Variants in ITPRID1 observed in about 807,000 individuals in gnomAD.
ITPRID1 encodes protein ITPRID1.
Under a neutral mutation model 95.4 loss-of-function variants are expected in ITPRID1, and 96 were observed. That is an observed-to-expected ratio of 1.01 (90% CI 0.85 to 1.19). The LOEUF (loss-of-function observed/expected upper bound fraction) is 1.19, where lower values mean the gene tolerates loss of function less well. Among genes scored for constraint, ITPRID1 ranks in the 50% most tolerant of loss-of-function variants. The pLI is 0.00. For missense variants in ITPRID1, 1,339 were observed against 1,252.9 expected, an observed-to-expected ratio of 1.07 and a Z score of -1.04; for synonymous variants, 510 against 453.6, an observed-to-expected ratio of 1.12 and a Z score of -1.58.
intron 5 of ITPRID1, among the ~76,000 whole-genome samples, chr7:31,565,400 T>C (rs1216959573): frequency 6.6e-6 from 1 of 152,196 alleles, no homozygotes; most frequent in Admixed American, 6.5e-5. Context: ...GAATGTACTG[T>C]CTTTAGACAG....
rs756053050 is a variant in ITPRID1, at chr7:31,642,846, C to T, written c.1476C>T (p.Ala492=). 2.7e-5 allele frequency: 44 copies of T among 1,613,890 alleles called. No homozygotes were observed. In the South Asian group the frequency reaches 4.6e-4, roughly 17 times the overall value. Reference sequence around the variant, plus strand: ...CTTTTTCAAGCCAAGAAGCGAATGCCTTGGAACAAAGGGCCTCAGTATCTG... The same window carrying T: ...CTTTTTCAAGCCAAGAAGCGAATGCTTTGGAACAAAGGGCCTCAGTATCTG... ...SMSFSSQEAN[A]LEQRASVSVM... The change falls in exon 12 of 15, where the codon GCC becomes GCT. Residue 492 remains alanine (A), a synonymous_variant. Coordinates refer to ENST00000615280, the MANE Select transcript of ITPRID1 (RefSeq NM_001257967.3).
intron 10 of ITPRID1, among the ~76,000 whole-genome samples, chr7:31,590,571 T>C (rs1785821853): frequency 1.3e-5 from 2 of 152,250 alleles, no homozygotes; most frequent in Non-Finnish European, 2.9e-5. Context: ...TTCCACAACA[T>C]TGAACCTTTC....
chr7:31,582,143 C>T (rs1287899095), intron 9 of ITPRID1, among the ~76,000 whole-genome samples: 1 of 152,138 alleles, frequency 6.6e-6, no homozygotes, highest in Non-Finnish European at 1.5e-5. Flanking sequence ...AGAATATTCA[C>T]CTCAGCATTA....
chr7:31,601,667 C>T lies in ITPRID1; in HGVS notation c.1228+18476C>T, dbSNP rs571838207. 2.0e-5 allele frequency among the ~76,000 whole-genome samples: 3 copies of T among 152,288 alleles called. No individual in the cohort carries two copies. The East Asian group carries it at 5.8e-4, about 29-fold the overall frequency. ...TCATACCTGGTTTATTACCACTGGC[C>T]TCCGTGATGATGCAGGTTGCTAATG... On this transcript the variant is annotated intron_variant, in intron 10 of 14. Transcript: ENST00000615280.
chr7:31,555,914 G>T (rs1784430471), intron 5 of ITPRID1, among the ~76,000 whole-genome samples: 1 of 151,934 alleles, frequency 6.6e-6, no homozygotes, highest in South Asian at 2.1e-4. Context: ...TAATATAAAA[G>T]TTCCATGATG....
At chr7:31,574,517 G>C in intron 7 of ITPRID1, 23 bp from the exon 8 acceptor site, 4 of 1,604,234 alleles carry the variant, frequency 2.5e-6, no homozygotes, top group Non-Finnish European at 2.6e-6. Context: ...TCTGGATAAA[G>C]ATATTCATAT....
At chr7:31,618,205 A>G (rs1266769978) in intron 10 of ITPRID1, among the ~76,000 whole-genome samples, 1 of 152,150 alleles carries the variant, frequency 6.6e-6, no homozygotes, top group African/African-American at 2.4e-5. Context: ...CAGCCTTTTC[A>G]CTTCATGTAT....
chr7:31,618,910 G>A (rs1787529228), intron 10 of ITPRID1, among the ~76,000 whole-genome samples: 1 of 152,152 alleles, frequency 6.6e-6, no homozygotes, highest in East Asian at 1.9e-4. Context: ...AGAAGCCAAA[G>A]TGGATAAAAT....
intron 9 of ITPRID1, among the ~76,000 whole-genome samples, chr7:31,580,101 C>T (rs1170728977): frequency 6.6e-6 from 1 of 151,848 alleles, no homozygotes; most frequent in African/African-American, 2.4e-5. Context: ...AATTTGAGAC[C>T]AGCCTGGCCA....
chr7:31,556,800 A>C (rs1449699744), intron 5 of ITPRID1, among the ~76,000 whole-genome samples: 1 of 152,098 alleles, frequency 6.6e-6, no homozygotes, highest in Non-Finnish European at 1.5e-5. Context: ...AGCAGTAACA[A>C]ATTATCACAA....
At position 31,655,396 on chromosome 7, in the gene ITPRID1, T is replaced by C. The variant is rs1258900011; in HGVS notation, c.*2567T>C. Among the ~76,000 whole-genome samples, 2 of 152,186 alleles carry C rather than the reference T, an allele frequency of 1.3e-5. No homozygotes were observed. The highest frequency in any genetic ancestry group is 2.9e-5 in the Non-Finnish European group (2 of 68,038). On this transcript the variant is annotated 3_prime_UTR_variant, in exon 15 of 15. Coordinates refer to ENST00000615280, the MANE Select transcript of ITPRID1 (RefSeq NM_001257967.3). ...CGAATTACCTGGCGACAGTGCAACATAGGTGCTTCCTAACTGCCTCCAGCC... is the reference window on the plus strand; with the variant it reads ...CGAATTACCTGGCGACAGTGCAACACAGGTGCTTCCTAACTGCCTCCAGCC...
intron 10 of ITPRID1, among the ~76,000 whole-genome samples, chr7:31,624,099 C>A (rs1473145615): frequency 1.3e-5 from 2 of 150,666 alleles, no homozygotes; most frequent in Admixed American, 1.3e-4. Context: ...GAACTACAAA[C>A]CACTGCTCAA....
intron 5 of ITPRID1, among the ~76,000 whole-genome samples, chr7:31,568,940 C>T (rs190149429): frequency 1.3e-5 from 2 of 152,316 alleles, no homozygotes; most frequent in Admixed American, 6.5e-5. Context: ...CTCTCTCAGC[C>T]TCAGTTTTCC....
intron 5 of ITPRID1, among the ~76,000 whole-genome samples, chr7:31,568,324 C>G (rs561683625): frequency 6.6e-6 from 1 of 152,050 alleles, no homozygotes; most frequent in Admixed American, 6.6e-5. Context: ...TATTCATAGA[C>G]CCTCTACTCA....
chr7:31,555,139 C>A, intron 5 of ITPRID1: 1 of 453,142 alleles, frequency 2.2e-6, no homozygotes. Context: ...ATCAATGGCT[C>A]AGAGTATAGC....
chr7:31,600,869 CATCAGGA>C (rs1279795060), intron 10 of ITPRID1, among the ~76,000 whole-genome samples: 1 of 152,130 alleles, frequency 6.6e-6, no homozygotes, highest in Non-Finnish European at 1.5e-5. Flanking sequence ...AGGTGTGGAT[CATCAGGA>C]AATGGCCTCT....
chr7:31,546,972 G>A (rs970507934), intron 1 of ITPRID1, among the ~76,000 whole-genome samples: 3 of 152,046 alleles, frequency 2.0e-5, no homozygotes, highest in African/African-American at 4.8e-5. Context: ...GAGGAAAAAA[G>A]CTTTGAGGTA....
At chr7:31,629,244 A>G (rs954659619) in intron 10 of ITPRID1, among the ~76,000 whole-genome samples, 7 of 151,542 alleles carry the variant, frequency 4.6e-5, no homozygotes, top group African/African-American at 1.5e-4. Flanking sequence ...TCTACTAAGT[A>G]TCTATGTAGA....
chr7:31,641,908 A>G (rs1413575429), intron 10 of ITPRID1, among the ~76,000 whole-genome samples: 1 of 151,948 alleles, frequency 6.6e-6, no homozygotes, highest in East Asian at 1.9e-4. Flanking sequence ...TCACAACCAT[A>G]TTGTTATTTG....
Sources: gnomAD v4.1 joint callset for allele counts (sites outside exome capture counted in the v4.1 genomes callset) on GRCh38, gnomAD v4.1.1 for gene constraint, MANE v1.5 for transcripts, NCBI Gene and HGNC (gene_info 2026-07-23, HGNC 2026-07-21) for gene names.